The following CUX1 variants were observed in gnomAD, a reference collection of about 807,000 sequenced individuals.
The protein encoded by CUX1 is protein CASP.
CUX1 carries 31 observed loss-of-function variants against 158.8 expected under a neutral mutation model. The observed-to-expected ratio is 0.20, with a 90% CI of 0.15 to 0.26. The LOEUF (loss-of-function observed/expected upper bound fraction) is 0.26, where lower values mean the gene tolerates loss of function less well. Ranked by LOEUF, CUX1 falls within the 10% of genes least tolerant of loss-of-function variation. The pLI is 1.00. For missense variants in CUX1, 1,589 were observed against 2,014.6 expected (o/e 0.79, Z 4.04); for synonymous variants, 879 against 862.1 (o/e 1.02, Z -0.34).
chr7:101,979,195 G>T (rs1318021512), intron 2 of CUX1, among the ~76,000 whole-genome samples: 3 of 152,144 alleles, frequency 2.0e-5, no homozygotes, highest in Admixed American at 2.0e-4. Flanking sequence ...GGAGATGGAG[G>T]TGCTCTAGAC....
chr7:102,050,044 C>G (rs1003895935), intron 3 of CUX1, among the ~76,000 whole-genome samples: 1 of 152,158 alleles, frequency 6.6e-6, no homozygotes, highest in African/African-American at 2.4e-5. Context: ...GGAGCAGACT[C>G]CCGGGGTGTA....
chr7:102,056,148 A>G (rs983669963), intron 3 of CUX1, among the ~76,000 whole-genome samples: 4 of 152,258 alleles, frequency 2.6e-5, no homozygotes, highest in African/African-American at 9.6e-5. Context: ...ATAATACAAA[A>G]GTGCAAAGTA....
chr7:101,848,879 A>C (rs1232769341), intron 1 of CUX1, among the ~76,000 whole-genome samples: 2 of 149,836 alleles, frequency 1.3e-5, no homozygotes, highest in African/African-American at 4.9e-5. Flanking sequence ...AGTTTGAAAA[A>C]AGTGTGTAGA....
At chr7:101,925,822 A>G (rs1042082359) in intron 2 of CUX1, among the ~76,000 whole-genome samples, 4 of 152,150 alleles carry the variant, frequency 2.6e-5, no homozygotes, top group Non-Finnish European at 5.9e-5. Context: ...GGTCCCAGCT[A>G]CTCAGAAGGC....
At chr7:101,842,876 T>A (rs28456090) in intron 1 of CUX1, among the ~76,000 whole-genome samples, 1,850 of 145,958 alleles carry the variant, frequency 0.013, 36 homozygotes, top group African/African-American at 0.045. Context: ...TATTCTATTT[T>A]TTTTTTTTTT....
chr7:102,121,641 G>A (rs1435205185), intron 8 of CUX1, among the ~76,000 whole-genome samples: 2 of 152,020 alleles, frequency 1.3e-5, no homozygotes, highest in Non-Finnish European at 2.9e-5. Context: ...CAGCTGGGAT[G>A]GATACTTTGT....
chr7:101,876,693 A>G (rs1562956164), intron 1 of CUX1, among the ~76,000 whole-genome samples: 1 of 146,134 alleles, frequency 6.8e-6, no homozygotes, highest in Non-Finnish European at 1.5e-5. Flanking sequence ...AACTCCGTCT[A>G]AAAAAAAAAA....
At chr7:102,048,513 T>A (rs1446884192) in intron 3 of CUX1, among the ~76,000 whole-genome samples, 1 of 152,096 alleles carries the variant, frequency 6.6e-6, no homozygotes, top group Non-Finnish European at 1.5e-5. Flanking sequence ...TAAGGGCACA[T>A]GACCACTATT....
intron 1 of CUX1, among the ~76,000 whole-genome samples, chr7:101,882,099 G>A (rs186147521): frequency 1.1e-4 from 16 of 152,048 alleles, no homozygotes; most frequent in Admixed American, 2.6e-4. Flanking sequence ...TGGGAGGATC[G>A]CTTGAGGCTG....
At chr7:102,127,464 C>G (rs972760194) in intron 8 of CUX1, among the ~76,000 whole-genome samples, 1 of 152,192 alleles carries the variant, frequency 6.6e-6, no homozygotes. Flanking sequence ...CTTGGCCTCC[C>G]AAAGTGCTGA....
intron 2 of CUX1, among the ~76,000 whole-genome samples, chr7:102,008,582 G>A (rs935787900): frequency 2.0e-5 from 3 of 152,084 alleles, no homozygotes; most frequent in African/African-American, 7.2e-5. Context: ...GCCCTCTCTA[G>A]AGATTGGGAT....
rs1462300966 is a variant in CUX1, at chr7:102,252,785, A to T, written c.*3743A>T. 1.0e-6 allele frequency: 1 copy of T among 985,308 alleles called. No individual in the cohort carries two copies. The highest frequency in any genetic ancestry group is 1.2e-6 in the Non-Finnish European group (1 of 829,980). 61.0% of individuals were successfully genotyped at this position (985,308 alleles called of 1,614,324 possible). Reference sequence around the variant, plus strand: ...CTCTTGAACTTCTGTATCAGTGAAGACATCTGTGGTTTCTGCTCACCAGAC... The same window carrying T: ...CTCTTGAACTTCTGTATCAGTGAAGTCATCTGTGGTTTCTGCTCACCAGAC... On this transcript the variant is annotated 3_prime_UTR_variant, in exon 24 of 24. Coordinates refer to ENST00000292535, the MANE Select transcript of CUX1 (RefSeq NM_181552.4).
chr7:102,273,311 G>A, intron 14 of CUX1: 2 of 1,588,306 alleles, frequency 1.3e-6, no homozygotes, highest in Non-Finnish European at 1.7e-6. Flanking sequence ...CCAGGGGAGG[G>A]CACCAAGGGT....
intron 23 of CUX1, among the ~76,000 whole-genome samples, chr7:102,244,465 A>G (rs973609787): frequency 1.3e-5 from 2 of 152,224 alleles, no homozygotes; most frequent in African/African-American, 2.4e-5. Flanking sequence ...GGGGAGGCCA[A>G]GGTGGGAGGA....
chr7:102,258,837 C>T (rs1237539248), downstream of CUX1, among the ~76,000 whole-genome samples: 1 of 152,176 alleles, frequency 6.6e-6, no homozygotes, highest in Non-Finnish European at 1.5e-5. Flanking sequence ...GCGAGTGGGA[C>T]AGTGGCTTGC....
intron 11 of CUX1, among the ~76,000 whole-genome samples, chr7:102,180,339 C>T (rs1554513581): frequency 1.0e-5 from 1 of 100,220 alleles, no homozygotes; most frequent in Non-Finnish European, 1.9e-5. Flanking sequence ...TTTTTTGAAA[C>T]GGAGTCTCAC....
intron 1 of CUX1, among the ~76,000 whole-genome samples, chr7:101,914,376 C>CTCCCTCTT (rs1803902824): frequency 9.9e-6 from 1 of 101,324 alleles, no homozygotes; most frequent in East Asian, 7.4e-4. Flanking sequence ...CCTTCCCTCC[C>CTCCCTCTT]TCCCTCCCTC....
chr7:102,275,239 C>A, intron 16 of CUX1: 1 of 1,597,866 alleles, frequency 6.3e-7, no homozygotes, highest in Non-Finnish European at 8.5e-7. Context: ...CCCTCCTCTA[C>A]CTGCTAGGAC....
chr7:101,876,725 C>T (rs1000561030), intron 1 of CUX1, among the ~76,000 whole-genome samples: 27 of 151,912 alleles, frequency 1.8e-4, no homozygotes, highest in Admixed American at 6.6e-5. Context: ...AAGAAAATAT[C>T]TTTCAATGAT....
Sources: allele counts gnomAD v4.1 joint callset (sites outside exome capture counted in the v4.1 genomes callset), GRCh38; gene constraint gnomAD v4.1.1; transcripts MANE v1.5; gene names NCBI Gene and HGNC (gene_info 2026-07-23, HGNC 2026-07-21).